VEZF1: variants seen among roughly 807,000 people sequenced by gnomAD.
VEZF1 encodes putative transcription factor DB1.
VEZF1 carries 5 observed loss-of-function variants against 44.1 expected under a neutral mutation model. The observed-to-expected ratio is 0.11, with a 90% CI of 0.06 to 0.24. VEZF1 has a LOEUF of 0.24. VEZF1 is among the 10% of genes least tolerant of loss of function. The probability of loss-of-function intolerance (pLI) is 1.00; values close to 1 mark genes in which losing one functional copy is unlikely to be tolerated. For synonymous variants in VEZF1, 236 were observed against 233.1 expected, an observed-to-expected ratio of 1.01 and a Z score of -0.11; for missense variants, 358 against 641.8, an observed-to-expected ratio of 0.56 and a Z score of 4.78.
rs2143394940 is a variant in VEZF1, at chr17:57,988,147, C to A, written c.-36G>T. 1 of 697,832 alleles carries A rather than the reference C, an allele frequency of 1.4e-6. No individual in the cohort carries two copies. The highest frequency in any genetic ancestry group is 1.9e-6 in the Non-Finnish European group (1 of 529,778). 43.2% of individuals were successfully genotyped at this position (697,832 alleles called of 1,614,324 possible). ...GCCGACCCCCCTCCTCCCCACTCCC[C>A]CCGCTCGGGGAGCCTCCTCAGCCGG... is the stretch of plus-strand genomic sequence containing the variant. On this transcript the variant is annotated 5_prime_UTR_variant, in exon 1 of 6. Transcript: ENST00000581208.
intron 4 of VEZF1, among the ~76,000 whole-genome samples, chr17:57,979,672 T>C (rs779403330): frequency 4.3e-4 from 66 of 151,824 alleles, no homozygotes; most frequent in South Asian, 1.7e-3. Context: ...AAAGTGAATG[T>C]TTATAGGCCG....
At chr17:57,978,490 C>T (rs370427267) in intron 5 of VEZF1, among the ~76,000 whole-genome samples, 1 of 152,112 alleles carries the variant, frequency 6.6e-6, no homozygotes, top group South Asian at 2.1e-4. Flanking sequence ...TTGAAAAGTA[C>T]GTTGAAAACT....
In VEZF1 at chr17:57,974,844, T is replaced by C; in HGVS notation, c.1195A>G (p.Thr399Ala). ...ACAGAGGATGTTATACTGAATGGAG[T>C]AGTGAGAGTCACAGGTGTCGTAGCA... ...TAATTPVTLTTPFSITSSVSS... is the reference protein window; with the variant it reads ...TAATTPVTLTAPFSITSSVSS... The change falls in exon 6 of 6, where the codon ACT becomes GCT. Residue 399 changes from threonine (T) to alanine (A), a missense_variant. Physicochemically the swap from Thr to Ala is moderately conservative, Grantham distance 58. Coordinates refer to ENST00000581208, the MANE Select transcript of VEZF1 (RefSeq NM_007146.3). The C allele has an allele frequency of 1.2e-6, 2 of 1,613,742 alleles. No homozygotes were observed. The highest frequency in any genetic ancestry group is 1.1e-5 in the South Asian group (1 of 91,050).
rs191075510 is a variant in VEZF1 at position 57,982,495 on chromosome 17, G to T, written c.728+204C>A. Reference sequence around the variant, plus strand: ...GGCACTTGTTAAGTGAAAAAAACAGGTTAATCACTATGTCACCACTTGTCA... The same window carrying T: ...GGCACTTGTTAAGTGAAAAAAACAGTTTAATCACTATGTCACCACTTGTCA... On this transcript the variant is annotated intron_variant, in intron 2 of 5. Transcript: ENST00000581208. Among the ~76,000 whole-genome samples, 28 of 152,156 alleles carry T rather than the reference G, an allele frequency of 1.8e-4. No homozygotes were observed. In the East Asian group the frequency reaches 5.4e-3, roughly 29 times the overall value.
chr17:57,987,238 G>A (rs931698492), intron 1 of VEZF1, among the ~76,000 whole-genome samples: 1 of 152,148 alleles, frequency 6.6e-6, no homozygotes, highest in Non-Finnish European at 1.5e-5. Context: ...AGCGCTTCGG[G>A]AGAAGGTCGG....
Position 57,974,693 on chromosome 17 carries a change from G to T in VEZF1, c.1346C>A (p.Thr449Asn). Residue 449 changes from threonine (T) to asparagine (N), a missense_variant, in exon 6 of 6, where the codon ACC becomes AAC. This residue lies in a region of VEZF1 where 171 missense variants were observed against 272.4 expected (regional missense o/e 0.63). Coordinates refer to ENST00000581208, the MANE Select transcript of VEZF1 (RefSeq NM_007146.3). ...PMNIGHPVTI[T>N]SPLSMTSPLT... ...AGGAGAGGTCATGGATAATGGACTGGTTATAGTTACAGGATGCCCTATGTT... is the reference window on the plus strand; with the variant it reads ...AGGAGAGGTCATGGATAATGGACTGTTTATAGTTACAGGATGCCCTATGTT... The T allele has an allele frequency of 1.9e-6, 3 of 1,614,114 alleles. No individual in the cohort carries two copies. The highest frequency in any genetic ancestry group is 8.5e-7 in the Non-Finnish European group (1 of 1,180,030).
intron 4 of VEZF1, among the ~76,000 whole-genome samples, chr17:57,979,885 G>A (rs751579738): frequency 8.7e-5 from 13 of 149,420 alleles, no homozygotes; most frequent in Non-Finnish European, 1.2e-4. Context: ...CAGGAGAATC[G>A]CTTGAACCCA....
chr17:57,980,325 T>C (rs960802840), intron 4 of VEZF1, among the ~76,000 whole-genome samples: 8 of 152,240 alleles, frequency 5.3e-5, no homozygotes, highest in Admixed American at 1.3e-4. Context: ...CAAGTGGATA[T>C]GATATCTCAT....
chr17:57,981,654 T>G (rs1276860497), intron 3 of VEZF1, among the ~76,000 whole-genome samples: 1 of 152,160 alleles, frequency 6.6e-6, no homozygotes, highest in Admixed American at 6.5e-5. Flanking sequence ...AAGGGAAATA[T>G]AGCTTAAAAA....
At chr17:57,987,637 G>A (rs900226329) in intron 1 of VEZF1, among the ~76,000 whole-genome samples, 1 of 151,986 alleles carries the variant, frequency 6.6e-6, no homozygotes, top group East Asian at 2.0e-4. Context: ...GCGGGGAGGA[G>A]ACTCAGGGCA....
At chr17:57,982,574 TCTC>T in intron 2 of VEZF1, 122 bp downstream of exon 2, 1 of 897,718 alleles carries the variant, frequency 1.1e-6, no homozygotes, top group Non-Finnish European at 1.7e-6. Flanking sequence ...CTATCACCAA[TCTC>T]CTCTAATAAC....
chr17:57,977,401 A>G (rs2075202625), intron 5 of VEZF1, among the ~76,000 whole-genome samples: 1 of 152,172 alleles, frequency 6.6e-6, no homozygotes, highest in Non-Finnish European at 1.5e-5. Context: ...TGCTGGAATT[A>G]TAGGTGTGAG....
At chr17:57,983,953 G>A (rs1356719895) in intron 1 of VEZF1, among the ~76,000 whole-genome samples, 4 of 152,194 alleles carry the variant, frequency 2.6e-5, no homozygotes, top group East Asian at 3.8e-4. Flanking sequence ...AGTCGTTAAC[G>A]TTAAGTTTTC....
intron 1 of VEZF1, among the ~76,000 whole-genome samples, chr17:57,984,612 G>A (rs900814462): frequency 2.0e-5 from 3 of 152,002 alleles, no homozygotes; most frequent in Non-Finnish European, 2.9e-5. Flanking sequence ...CACTTTAGAC[G>A]GTTACTTACC....
chr17:57,975,070 G>A (rs1261989820), intron 5 of VEZF1, among the ~76,000 whole-genome samples, 170 bp from the exon 6 acceptor site: 2 of 152,182 alleles, frequency 1.3e-5, no homozygotes, highest in African/African-American at 4.8e-5. Flanking sequence ...ACAAGCCTGG[G>A]GGCCAGGGAT....
In VEZF1 at chr17:57,973,687, TCTC is replaced by T. The variant is rs1254063605; in HGVS notation, c.*783_*785del. On this transcript the variant is annotated 3_prime_UTR_variant, in exon 6 of 6. Coordinates refer to ENST00000581208, the MANE Select transcript of VEZF1 (RefSeq NM_007146.3). ...AGCTTGCCTGTCCACACACTTGACT[TCTC>T]CTCTGTCAGTTGAGGCTTTTCTTAG... 3.3e-5 allele frequency: 5 copies of T among 152,312 alleles called. No homozygotes were observed. The highest frequency in any genetic ancestry group is 1.2e-4 in the African/African-American group (5 of 41,452). The allele number at this position is 152,312 out of a possible 1,614,324, so 9.4% of individuals were successfully genotyped here. A position where few individuals can be genotyped will look rare whatever the true frequency, so the allele number is the denominator to read the frequency against.
intron 1 of VEZF1, among the ~76,000 whole-genome samples, chr17:57,986,479 T>A (rs1598051080): frequency 6.6e-6 from 1 of 152,350 alleles, no homozygotes; most frequent in East Asian, 1.9e-4. Context: ...TTATATATCA[T>A]TTCTTTTCCA....
chr17:57,977,147 C>G (rs1315016367), intron 5 of VEZF1, among the ~76,000 whole-genome samples: 2 of 152,078 alleles, frequency 1.3e-5, no homozygotes, highest in Non-Finnish European at 2.9e-5. Context: ...ATGGGGGTCT[C>G]AATCTGTTGT....
intron 1 of VEZF1, among the ~76,000 whole-genome samples, chr17:57,987,830 CGT>C (rs1000074295): frequency 8.6e-5 from 13 of 151,572 alleles, no homozygotes; most frequent in Non-Finnish European, 1.3e-4. Flanking sequence ...TGTGTGTGTG[CGT>C]GTGTGTGCTG....
Sources: gnomAD v4.1 joint callset for allele counts (sites outside exome capture counted in the v4.1 genomes callset) on GRCh38, gnomAD v4.1.1 for gene constraint, gnomAD v4.1.1 regional missense constraint, MANE v1.5 for transcripts, NCBI Gene and HGNC (gene_info 2026-07-23, HGNC 2026-07-21) for gene names.